Variants in PCDHGB1 observed in about 807,000 individuals in gnomAD.
The protein encoded by PCDHGB1 is protocadherin gamma-B1.
Under a neutral mutation model 56.6 loss-of-function variants are expected in PCDHGB1, and 34 were observed. The observed-to-expected ratio is 0.60, with a 90% confidence interval of 0.46 to 0.80. The LOEUF is 0.80. PCDHGB1 is among the 30% of genes least tolerant of loss of function. PCDHGB1 has a pLI of 0.00. For synonymous variants in PCDHGB1, 561 were observed against 505.9 expected, an observed-to-expected ratio of 1.11 and a Z score of -1.46; for missense variants, 1,278 against 1,204.6, an observed-to-expected ratio of 1.06 and a Z score of -0.90.
chr5:141,418,897 A>T, intron 1 of PCDHGB1: 1 of 1,613,980 alleles, frequency 6.2e-7, no homozygotes, highest in Non-Finnish European at 8.5e-7. Flanking sequence ...ACAGCCCAGA[A>T]ATAATCATCA....
rs766760252 is a variant in PCDHGB1, at chr5:141,352,006, C to G, written c.1746C>G (p.Tyr582Ter). The G allele has an allele frequency of 2.5e-6, 4 of 1,610,492 alleles. No individual in the cohort carries two copies. The highest frequency in any genetic ancestry group is 3.4e-6 in the Non-Finnish European group (4 of 1,179,340). The change falls in exon 1 of 4, where the codon TAC becomes TAG. Residue 582 changes from tyrosine to a stop codon, truncating the protein, a stop_gained. Transcript: ENST00000523390. LOFTEE classifies it high-confidence loss of function. ...TGCCACGCGCCGCAGAGCCCGGCTA[C>G]CTGGTGACCAAGGTGGTGGCGGTGG... ...DMVPRAAEPG[Y>*]LVTKVVAVDA...
At chr5:141,370,928 C>T in intron 1 of PCDHGB1, 1 of 1,613,992 alleles carries the variant, frequency 6.2e-7, no homozygotes, top group Non-Finnish European at 8.5e-7. Context: ...ATCCGCACTT[C>T]TCTTTGATTC....
chr5:141,430,655 G>C (rs1309165721), intron 1 of PCDHGB1: 2 of 1,085,056 alleles, frequency 1.8e-6, no homozygotes, highest in Non-Finnish European at 2.6e-6. Flanking sequence ...TGGAAACAAC[G>C]GAGGAGCTCT....
intron 1 of PCDHGB1, chr5:141,442,507 G>C (rs1394231840): frequency 1.3e-5 from 2 of 152,208 alleles, no homozygotes; most frequent in Non-Finnish European, 1.5e-5. Flanking sequence ...TATTCTAATT[G>C]CTTGGGCAGA....
At chr5:141,374,458 C>T (rs1183222146) in intron 1 of PCDHGB1, 1 of 1,613,426 alleles carries the variant, frequency 6.2e-7, no homozygotes. Flanking sequence ...AAATAGTGGA[C>T]ATTAATGACA....
Position 141,432,473 on chromosome 5 carries a change from T to G in PCDHGB1, c.2410-62334T>G. On this transcript the variant is annotated intron_variant, in intron 1 of 3. Coordinates refer to ENST00000523390, the MANE Select transcript of PCDHGB1 (RefSeq NM_018922.3). The surrounding 1 kb of genome is among the most constrained non-coding windows in gnomAD (Gnocchi z 6.0). ...GTACCCCGCCCTCCCCACGGACGGT[T>G]CCACTGGCGTGGAGCTGGCTCCCCG... 1 of 1,614,180 alleles carries G rather than the reference T, an allele frequency of 6.2e-7. No individual in the cohort carries two copies. The highest frequency in any genetic ancestry group is 1.1e-5 in the South Asian group (1 of 91,078).
chr5:141,393,071 C>G (rs927273885), intron 1 of PCDHGB1: 1 of 1,613,680 alleles, frequency 6.2e-7, no homozygotes, highest in Non-Finnish European at 8.5e-7. Context: ...GCTTGATCAC[C>G]GCGGGCAGGA....
At chr5:141,480,591 T>G (rs557048485) in intron 1 of PCDHGB1, among the ~76,000 whole-genome samples, 1 of 138,080 alleles carries the variant, frequency 7.2e-6, no homozygotes, top group South Asian at 2.2e-4. Flanking sequence ...GCCGCTCTTC[T>G]GGTCAGCCTG....
intron 1 of PCDHGB1, chr5:141,390,260 C>T (rs1206984031): frequency 6.2e-7 from 1 of 1,614,002 alleles, no homozygotes; most frequent in Non-Finnish European, 8.5e-7. Context: ...TTTGTAATTC[C>T]AGTGAATTGA....
chr5:141,445,537 G>A (rs1266179512), intron 1 of PCDHGB1, among the ~76,000 whole-genome samples: 1 of 152,182 alleles, frequency 6.6e-6, no homozygotes, highest in African/African-American at 2.4e-5. Flanking sequence ...AAGCCAACAA[G>A]GAGAAATACA....
intron 1 of PCDHGB1, among the ~76,000 whole-genome samples, chr5:141,459,691 C>T (rs754899227): frequency 3.9e-5 from 6 of 152,158 alleles, no homozygotes; most frequent in East Asian, 1.9e-4. Flanking sequence ...TAAAGCGTTC[C>T]GCTTGCTACA....
At chr5:141,388,628 G>C (rs752578230) in intron 1 of PCDHGB1, 1 of 1,613,780 alleles carries the variant, frequency 6.2e-7, no homozygotes, top group African/African-American at 1.3e-5. Context: ...ACGTATACAG[G>C]GTGAGCCTTT....
rs777895357 is a variant in PCDHGB1, at chr5:141,357,337, G to A, written c.2409+4668G>A. On this transcript the variant is annotated intron_variant, in intron 1 of 3. Coordinates refer to ENST00000523390, the MANE Select transcript of PCDHGB1 (RefSeq NM_018922.3). ...CCTGGCTTTTGTCACGGTGCTGCTA[G>A]CACTCAAGCTGAGACGCTGGCACAA... The A allele has an allele frequency of 1.7e-5, 28 of 1,614,000 alleles. No homozygotes were observed. The highest frequency in any genetic ancestry group is 2.3e-5 in the Non-Finnish European group (27 of 1,179,954).
At chr5:141,394,884 C>T (rs2093119839) in intron 1 of PCDHGB1, 2 of 1,613,902 alleles carry the variant, frequency 1.2e-6, no homozygotes, top group Non-Finnish European at 1.7e-6. Flanking sequence ...GAGCCTTACA[C>T]TCTATCTCGT....
chr5:141,510,526 A>T (rs1164238062), intron 3 of PCDHGB1, among the ~76,000 whole-genome samples: 1 of 152,156 alleles, frequency 6.6e-6, no homozygotes, highest in East Asian at 1.9e-4. Flanking sequence ...CAGCCCTGAG[A>T]GAAATACCAG....
intron 1 of PCDHGB1, among the ~76,000 whole-genome samples, chr5:141,463,418 C>T (rs1442067485): frequency 3.6e-5 from 5 of 138,240 alleles, no homozygotes; most frequent in Admixed American, 2.9e-4. Flanking sequence ...TCCTAGTTTG[C>T]GGATCCTCAT....
intron 2 of PCDHGB1, among the ~76,000 whole-genome samples, chr5:141,500,453 C>T (rs1403599390): frequency 6.6e-6 from 1 of 152,130 alleles, no homozygotes; most frequent in South Asian, 2.1e-4. Context: ...TCGTGATCCG[C>T]CCGCCTCGGC....
chr5:141,388,094 G>A (rs2091235940), intron 1 of PCDHGB1: 1 of 1,377,208 alleles, frequency 7.3e-7, no homozygotes, highest in Non-Finnish European at 1.0e-6. Flanking sequence ...GCGTCAGTTC[G>A]GAGAAGCCTT....
At chr5:141,361,802 A>G (rs368923177) in intron 1 of PCDHGB1, 19 of 1,613,052 alleles carry the variant, frequency 1.2e-5, no homozygotes, top group African/African-American at 9.3e-5. Flanking sequence ...GGCGACCTCA[A>G]TGACAATGCG....
Sources: allele counts gnomAD v4.1 joint callset (sites outside exome capture counted in the v4.1 genomes callset), GRCh38; gene constraint gnomAD v4.1.1; non-coding constraint Gnocchi (gnomAD v3.1); transcripts MANE v1.5; gene names NCBI Gene and HGNC (gene_info 2026-07-23, HGNC 2026-07-21).